The following TNRC18 variants were observed in gnomAD, a reference collection of about 807,000 sequenced individuals.
The protein encoded by TNRC18 is trinucleotide repeat-containing gene 18 protein.
Under a neutral mutation model 226.7 loss-of-function variants are expected in TNRC18, and 69 were observed. That is an observed-to-expected ratio of 0.30 (90% CI 0.25 to 0.37). TNRC18 has a LOEUF of 0.37. Among genes scored for constraint, TNRC18 ranks in the 10% least tolerant of loss-of-function variants. The pLI is 1.00. For synonymous variants in TNRC18, 2,449 were observed against 1,927.6 expected, an observed-to-expected ratio of 1.27 and a Z score of -7.09; for missense variants, 4,754 against 4,256.6, an observed-to-expected ratio of 1.12 and a Z score of -3.25.
At chr7:5,409,284 G>A (rs995156886) in intron 2 of TNRC18, among the ~76,000 whole-genome samples, 3 of 151,738 alleles carry the variant, frequency 2.0e-5, no homozygotes, top group African/African-American at 7.3e-5. Flanking sequence ...GAAAACGCCA[G>A]GGGAAAAAAA....
intron 24 of TNRC18, among the ~76,000 whole-genome samples, chr7:5,317,452 A>G (rs563257370): frequency 1.3e-5 from 2 of 152,190 alleles, no homozygotes; most frequent in Non-Finnish European, 2.9e-5. Context: ...TTAGCCGGGC[A>G]TGGTGGTGCA....
chr7:5,314,968 GACCAGGCCA>G lies in TNRC18; in HGVS notation c.7027+7_7027+15del. ...GATCCGCCCACCGCCCTGCCCTGGG[GACCAGGCCA>G]ACCTACCACCCTTGGCCTTGGCGCT... On this transcript the variant is annotated splice_region_variant and intron_variant, in intron 26 of 29. Coordinates refer to ENST00000430969, the MANE Select transcript of TNRC18 (RefSeq NM_001080495.3). The G allele has an allele frequency of 1.2e-6, 2 of 1,600,680 alleles. No homozygotes were observed. Among genetic ancestry groups the G allele is most frequent in the Non-Finnish European group, 1.7e-6 (2 of 1,174,980 alleles).
chr7:5,416,292 G>A (rs998818042), intron 2 of TNRC18, among the ~76,000 whole-genome samples: 1 of 151,834 alleles, frequency 6.6e-6, no homozygotes, highest in Non-Finnish European at 1.5e-5. Context: ...GCGGGCACCT[G>A]TAGTCCCAGC....
At chr7:5,417,492 C>T (rs1782263916) in intron 2 of TNRC18, among the ~76,000 whole-genome samples, 1 of 152,074 alleles carries the variant, frequency 6.6e-6, no homozygotes, top group Admixed American at 6.6e-5. Flanking sequence ...AACAAACAAA[C>T]AAAAAACATT....
Position 5,374,373 on chromosome 7 carries a change from G to T in TNRC18, c.2911C>A (p.Leu971Met). ...GCCAGGCCAGGGGGCTTCCGCGGCA[G>T]CAGCCCGGGGCCGGCGGTGGCCAGG... is the stretch of plus-strand genomic sequence containing the variant. ...AGLATAGPGL[L>M]PRKPPGLAAG... is the part of the protein sequence containing the mutation. Residue 971 changes from leucine (L) to methionine (M), a missense_variant, in exon 10 of 30, where the codon CTG becomes ATG. By Grantham distance (15) the Leu-to-Met change is conservative. Transcript: ENST00000430969. The T allele has an allele frequency of 6.8e-7, 1 of 1,475,976 alleles. No individual in the cohort carries two copies. 91.4% of individuals were successfully genotyped at this position (1,475,976 alleles called of 1,614,324 possible). A position where few individuals can be genotyped will look rare whatever the true frequency, so the allele number is the denominator to read the frequency against.
chr7:5,326,202 C>T (rs995595830), intron 19 of TNRC18, among the ~76,000 whole-genome samples: 44 of 151,906 alleles, frequency 2.9e-4, no homozygotes, highest in Admixed American at 1.1e-3. Flanking sequence ...CACACACAAC[C>T]GTGTAAATAT....
chr7:5,322,263 G>C (rs1788453640), intron 21 of TNRC18, among the ~76,000 whole-genome samples: 4 of 146,224 alleles, frequency 2.7e-5, no homozygotes, highest in African/African-American at 5.0e-5. Context: ...GGGTGACAGA[G>C]AGTCAGATTC....
At chr7:5,380,163 A>G (rs1006938892) in intron 5 of TNRC18, among the ~76,000 whole-genome samples, 4 of 152,160 alleles carry the variant, frequency 2.6e-5, no homozygotes, top group Admixed American at 1.3e-4. Context: ...GCAGCACCCC[A>G]GGCCCGACAG....
intron 2 of TNRC18, among the ~76,000 whole-genome samples, chr7:5,400,848 C>T (rs1015366404): frequency 1.3e-5 from 2 of 152,056 alleles, no homozygotes; most frequent in Non-Finnish European, 2.9e-5. Context: ...TCAAGACCAG[C>T]CTGGGCTGAT....
At position 5,387,909 on chromosome 7, in the gene TNRC18, G is replaced by A. The variant is rs1779923267; in HGVS notation, c.1915C>T (p.His639Tyr). Reference sequence around the variant, plus strand: ...CCGCCCGCTGCAGGGCCTCCGGAGTGTGGGAGACGGGCCTGGGCTCGGGAG... The same window carrying A: ...CCGCCCGCTGCAGGGCCTCCGGAGTATGGGAGACGGGCCTGGGCTCGGGAG... ...GASRAQARLP[H>Y]SGGPAAGGGR... The change falls in exon 5 of 30, where the codon CAC becomes TAC. Residue 639 changes from histidine to tyrosine, a missense_variant. Coordinates refer to ENST00000430969, the MANE Select transcript of TNRC18 (RefSeq NM_001080495.3). 1 of 1,593,064 alleles carries A rather than the reference G, an allele frequency of 6.3e-7. No individual in the cohort carries two copies. The highest frequency in any genetic ancestry group is 8.5e-7 in the Non-Finnish European group (1 of 1,171,208).
intron 11 of TNRC18, among the ~76,000 whole-genome samples, chr7:5,368,049 G>C (rs1286275520): frequency 4.8e-5 from 3 of 62,284 alleles, no homozygotes; most frequent in Non-Finnish European, 8.7e-5. Flanking sequence ...ATTTGCAACG[G>C]AGAAAAAAAA....
chr7:5,377,279 C>G lies in TNRC18; in HGVS notation c.2461+92G>C, dbSNP rs569194502. Reference sequence around the variant, plus strand: ...CAGGCCCAGGCCCCCCAGGAAACGGCAGGCAGGAGCCAGCCCTGAGCTCTT... The same window carrying G: ...CAGGCCCAGGCCCCCCAGGAAACGGGAGGCAGGAGCCAGCCCTGAGCTCTT... On this transcript the variant is annotated intron_variant, in intron 7 of 29. Coordinates refer to ENST00000430969, the MANE Select transcript of TNRC18 (RefSeq NM_001080495.3). This position sits in a 1 kb window ranked among gnomAD's most constrained non-coding sequence, Gnocchi z 5.8. 2.1e-5 allele frequency: 28 copies of G among 1,331,674 alleles called. No individual in the cohort carries two copies. In the African/African-American group the frequency reaches 4.0e-4, roughly 19 times the overall value. The allele number at this position is 1,331,674 out of a possible 1,614,324, so 82.5% of individuals were successfully genotyped here.
intron 24 of TNRC18, among the ~76,000 whole-genome samples, chr7:5,317,450 G>A (rs1365108329): frequency 1.3e-5 from 2 of 152,068 alleles, no homozygotes; most frequent in African/African-American, 4.8e-5. Flanking sequence ...AATTAGCCGG[G>A]CATGGTGGTG....
chr7:5,385,512 A>AG (rs1299471811), intron 5 of TNRC18, among the ~76,000 whole-genome samples: 43 of 133,416 alleles, frequency 3.2e-4, no homozygotes, highest in African/African-American at 9.2e-4. Flanking sequence ...AAAAAAAAAA[A>AG]AAAAAGAAAA....
At chr7:5,360,186 C>T (rs895656207) in intron 14 of TNRC18, among the ~76,000 whole-genome samples, 2 of 151,948 alleles carry the variant, frequency 1.3e-5, no homozygotes, top group African/African-American at 2.4e-5. Context: ...TGGCCACAAA[C>T]GTTTGCTGCT....
intron 26 of TNRC18, 69 bp from the exon 27 acceptor site, chr7:5,313,932 A>G: frequency 2.2e-6 from 3 of 1,377,430 alleles, no homozygotes; most frequent in South Asian, 4.2e-5. Context: ...GGCTTTTATC[A>G]GAAAGGCCTG....
At chr7:5,422,711 C>G (rs982617075) in intron 1 of TNRC18, 4 of 152,388 alleles carry the variant, frequency 2.6e-5, no homozygotes. Context: ...CCTCTCCAGC[C>G]TCCCTCCCCA....
chr7:5,351,875 C>T lies in TNRC18; in HGVS notation c.5414G>A (p.Arg1805Gln), dbSNP rs765428001. 7 of 1,612,774 alleles carry T rather than the reference C, an allele frequency of 4.3e-6. No individual in the cohort carries two copies. The highest frequency in any genetic ancestry group is 2.7e-5 in the African/African-American group (2 of 74,860). Residue 1805 changes from arginine to glutamine, a missense_variant, in exon 17 of 30, where the codon CGA (arginine) becomes CAA (glutamine). Transcript: ENST00000430969. ...GAAGGAGGAACGCGCCTCGGCCTCT[C>T]GAAGCAGCAGACAAAACGGCTGCTT... The part of the protein sequence containing the change: ...SRKQPFCLLL[R>Q]EAEARSSFSD...
intron 4 of TNRC18, chr7:5,390,257 T>TG (rs1276195960): frequency 7.2e-6 from 4 of 552,902 alleles, no homozygotes; most frequent in African/African-American, 2.0e-5. Context: ...CCCAGCTACT[T>TG]GGGGGGCTGA....
Sources: allele counts gnomAD v4.1 joint callset (sites outside exome capture counted in the v4.1 genomes callset), GRCh38; gene constraint gnomAD v4.1.1; non-coding constraint Gnocchi (gnomAD v3.1); transcripts MANE v1.5; gene names NCBI Gene and HGNC (gene_info 2026-07-23, HGNC 2026-07-21).